The following KCNIP1 variants were observed in gnomAD, a reference collection of about 807,000 sequenced individuals.
KCNIP1 encodes the protein potassium voltage-gated channel interacting protein 1.
KCNIP1 carries 18 observed loss-of-function variants against 33.0 expected under a neutral mutation model. The observed-to-expected ratio is 0.55, with a 90% CI of 0.38 to 0.81. The LOEUF (loss-of-function observed/expected upper bound fraction) is 0.81. KCNIP1 is among the 30% of genes least tolerant of loss of function. The pLI is 0.00. For missense variants in KCNIP1, 238 were observed against 271.6 expected (o/e 0.88, Z 0.87); for synonymous variants, 93 against 98.3 (o/e 0.95, Z 0.32).
chr5:170,385,809 C>G (rs1764445423), intron 1 of KCNIP1, among the ~76,000 whole-genome samples: 1 of 151,958 alleles, frequency 6.6e-6, no homozygotes, highest in Non-Finnish European at 1.5e-5. Context: ...AATGACTTTG[C>G]AGAAATGATT....
chr5:170,410,407 A>G (rs72836205), intron 1 of KCNIP1, among the ~76,000 whole-genome samples: 7,457 of 151,686 alleles, frequency 0.049, 246 homozygotes, highest in African/African-American at 0.094. Context: ...CAGACACAGC[A>G]TGGGTGCACC....
intron 1 of KCNIP1, among the ~76,000 whole-genome samples, chr5:170,363,786 A>G (rs559033547): frequency 6.6e-6 from 1 of 152,298 alleles, no homozygotes; most frequent in East Asian, 1.9e-4. Context: ...ATGTTGTGCA[A>G]CCATCACCAC....
Position 170,607,425 on chromosome 5 carries a change from G to T in KCNIP1, c.61+102792G>T, listed in dbSNP as rs1272823375. Among the ~76,000 whole-genome samples, 12 of 152,176 alleles carry T rather than the reference G, an allele frequency of 7.9e-5. No individual in the cohort carries two copies. The South Asian group carries it at 2.5e-3, about 32-fold the overall frequency. On this transcript the variant is annotated intron_variant, in intron 1 of 7. Transcript: ENST00000328939. ...ATTTACAGAGTGATGACCACCGTAT[G>T]CTCCAAACCCAGGGCTGGGGGCCTT... is the stretch of plus-strand genomic sequence containing the variant.
chr5:170,670,925 G>A (rs1761897668), intron 1 of KCNIP1, among the ~76,000 whole-genome samples: 1 of 147,984 alleles, frequency 6.8e-6, no homozygotes, highest in Non-Finnish European at 1.5e-5. Flanking sequence ...AAAAAAAAAA[G>A]AAGAGGACAT....
rs1280925482 is a variant in KCNIP1, at chr5:170,686,941, T to C, written c.62-31817T>C. Among the ~76,000 whole-genome samples, 4 of 152,002 alleles carry C rather than the reference T, an allele frequency of 2.6e-5. No individual in the cohort carries two copies. In the East Asian group the frequency reaches 5.8e-4, roughly 22 times the overall value. On this transcript the variant is annotated intron_variant, in intron 1 of 7. Transcript: ENST00000328939. ...CCCTGCACTTTTTGTGCCCTTCCTC[T>C]TCCCCCTCTCCAGCCCCAAACCTCT...
intron 1 of KCNIP1, among the ~76,000 whole-genome samples, chr5:170,705,888 T>A (rs1029756322): frequency 6.6e-6 from 1 of 152,184 alleles, no homozygotes; most frequent in Non-Finnish European, 1.5e-5. Context: ...TACGACAAGA[T>A]GGAAATAACA....
intron 1 of KCNIP1, among the ~76,000 whole-genome samples, chr5:170,547,065 G>A (rs1389209700): frequency 1.3e-5 from 2 of 152,162 alleles, no homozygotes; most frequent in Non-Finnish European, 2.9e-5. Context: ...TTGACACATG[G>A]AAAATATCAT....
chr5:170,540,163 TC>T (rs1316979391), intron 1 of KCNIP1, among the ~76,000 whole-genome samples: 1 of 152,086 alleles, frequency 6.6e-6, no homozygotes, highest in Non-Finnish European at 1.5e-5. Context: ...GGAAATCATC[TC>T]ACAAAACTCA....
At chr5:170,533,834 C>A (rs1561672834) in intron 1 of KCNIP1, among the ~76,000 whole-genome samples, 1 of 152,240 alleles carries the variant, frequency 6.6e-6, no homozygotes, top group East Asian at 1.9e-4. Flanking sequence ...CTCCAAATGC[C>A]CATCTCCTGA....
chr5:170,535,393 C>T (rs1755948627), intron 1 of KCNIP1, among the ~76,000 whole-genome samples: 1 of 152,176 alleles, frequency 6.6e-6, no homozygotes, highest in Non-Finnish European at 1.5e-5. Flanking sequence ...CAAAGGCCAG[C>T]AGCTTCTGCA....
intron 1 of KCNIP1, chr5:170,354,002 A>T: frequency 6.3e-7 from 1 of 1,579,778 alleles, no homozygotes; most frequent in African/African-American, 1.3e-5. Flanking sequence ...TTCTGTCTTG[A>T]TATGGCCTGG....
At chr5:170,363,096 C>T (rs1360308067) in intron 1 of KCNIP1, among the ~76,000 whole-genome samples, 2 of 152,208 alleles carry the variant, frequency 1.3e-5, no homozygotes, top group Non-Finnish European at 2.9e-5. Flanking sequence ...GGGGGCTTTA[C>T]AAGGATTCCT....
intron 1 of KCNIP1, among the ~76,000 whole-genome samples, chr5:170,496,741 G>GC (rs1757317754): frequency 6.6e-6 from 1 of 152,114 alleles, no homozygotes; most frequent in African/African-American, 2.4e-5. Flanking sequence ...TGTCTCCACT[G>GC]CCCCCGTCAT....
chr5:170,721,459 A>T (rs920328084), intron 3 of KCNIP1, among the ~76,000 whole-genome samples: 1 of 152,208 alleles, frequency 6.6e-6, no homozygotes, highest in Non-Finnish European at 1.5e-5. Context: ...TATGTAGTAC[A>T]GCGGCATCCA....
Position 170,725,950 on chromosome 5 carries a change from C to A in KCNIP1, c.435+3130C>A, listed in dbSNP as rs188179712. Reference sequence around the variant, plus strand: ...TTTGGAAACAAAAATGGACATTAACCTTAACCTCATGCCAAACATAAACAT... The same window carrying A: ...TTTGGAAACAAAAATGGACATTAACATTAACCTCATGCCAAACATAAACAT... On this transcript the variant is annotated intron_variant, in intron 5 of 7. Transcript: ENST00000328939. Among the ~76,000 whole-genome samples the A allele has an allele frequency of 2.6e-5, 4 of 152,242 alleles. No individual in the cohort carries two copies. The East Asian group carries it at 7.7e-4, about 29-fold the overall frequency.
chr5:170,613,016 A>G (rs981438238), intron 1 of KCNIP1, among the ~76,000 whole-genome samples: 1 of 152,186 alleles, frequency 6.6e-6, no homozygotes, highest in Non-Finnish European at 1.5e-5. Context: ...CACACCCAGC[A>G]TAGCACATTT....
chr5:170,513,889 G>A (rs1755029012), intron 1 of KCNIP1, among the ~76,000 whole-genome samples: 1 of 152,166 alleles, frequency 6.6e-6, no homozygotes. Flanking sequence ...TGTTGGTGGG[G>A]ATCCCCCAAA....
chr5:170,610,712 G>A (rs902991829), intron 1 of KCNIP1, among the ~76,000 whole-genome samples: 7 of 152,252 alleles, frequency 4.6e-5, no homozygotes, highest in Non-Finnish European at 8.8e-5. Context: ...AAAATTCAAT[G>A]GGCTAACAGA....
At chr5:170,559,870 C>T (rs1392918356) in intron 1 of KCNIP1, among the ~76,000 whole-genome samples, 1 of 152,198 alleles carries the variant, frequency 6.6e-6, no homozygotes, top group African/African-American at 2.4e-5. Context: ...CAGCCTGAAC[C>T]TTAGACAGCG....
Sources: gnomAD v4.1 joint callset for allele counts (sites outside exome capture counted in the v4.1 genomes callset) on GRCh38, gnomAD v4.1.1 for gene constraint, MANE v1.5 for transcripts, NCBI Gene and HGNC (gene_info 2026-07-23, HGNC 2026-07-21) for gene names.